IFT88: variants seen among roughly 807,000 people sequenced by gnomAD.
The protein encoded by IFT88 is intraflagellar transport 88.
IFT88 carries 74 observed loss-of-function variants against 119.5 expected under a neutral mutation model. That is an observed-to-expected ratio of 0.62 (90% CI 0.51 to 0.75). The LOEUF is 0.75. Ranked by LOEUF, IFT88 falls within the 30% of genes least tolerant of loss-of-function variation. IFT88 has a pLI of 0.00. For synonymous variants in IFT88, 279 were observed against 316.7 expected (o/e 0.88, Z 1.26); for missense variants, 961 against 977.7 (o/e 0.98, Z 0.23).
At chr13:20,688,882 C>T (rs1011506634) in intron 24 of IFT88, among the ~76,000 whole-genome samples, 1 of 151,960 alleles carries the variant, frequency 6.6e-6, no homozygotes, top group African/African-American at 2.4e-5. Context: ...GCATGCCACT[C>T]TGCCCAGCCA....
At chr13:20,651,788 A>G (rs2051760056) in intron 20 of IFT88, among the ~76,000 whole-genome samples, 2 of 152,190 alleles carry the variant, frequency 1.3e-5, no homozygotes, top group African/African-American at 4.8e-5. Context: ...TAGTATATAT[A>G]GGGTTCAGTA....
chr13:20,684,645 T>C (rs1451799254), intron 24 of IFT88, among the ~76,000 whole-genome samples: 1 of 152,218 alleles, frequency 6.6e-6, no homozygotes, highest in African/African-American at 2.4e-5. Context: ...GGGCAGTATT[T>C]CTCTACCACA....
At chr13:20,683,591 A>G (rs1421796291) in intron 24 of IFT88, among the ~76,000 whole-genome samples, 1 of 152,204 alleles carries the variant, frequency 6.6e-6, no homozygotes, top group African/African-American at 2.4e-5. Flanking sequence ...ACTCTGTTAA[A>G]TTGAGTGGGT....
intron 4 of IFT88, among the ~76,000 whole-genome samples, chr13:20,590,215 A>G (rs1024786012): frequency 4.6e-5 from 7 of 152,170 alleles, no homozygotes; most frequent in Non-Finnish European, 8.8e-5. Context: ...ATAATTGGGA[A>G]ACATTTACTA....
intron 7 of IFT88, among the ~76,000 whole-genome samples, chr13:20,594,471 A>G (rs1394860533): frequency 6.6e-6 from 1 of 152,172 alleles, no homozygotes; most frequent in African/African-American, 2.4e-5. Flanking sequence ...TTCTGCATGC[A>G]AAGAAGAAGG....
chr13:20,628,957 G>A (rs766034140), intron 15 of IFT88, among the ~76,000 whole-genome samples: 3 of 151,944 alleles, frequency 2.0e-5, no homozygotes, highest in Non-Finnish European at 4.4e-5. Flanking sequence ...AATGTAAATG[G>A]CCGCTTCTAA....
intron 3 of IFT88, among the ~76,000 whole-genome samples, chr13:20,586,425 G>A (rs1404660020): frequency 1.3e-5 from 2 of 152,176 alleles, no homozygotes; most frequent in Non-Finnish European, 1.5e-5. Context: ...ATAAATTGCT[G>A]TGGAATTTAA....
chr13:20,593,069 C>A (rs2040985112), intron 7 of IFT88, among the ~76,000 whole-genome samples: 2 of 151,764 alleles, frequency 1.3e-5, no homozygotes, highest in African/African-American at 4.8e-5. Flanking sequence ...GAGGACATTT[C>A]AAGGGAAAAA....
chr13:20,664,690 T>C (rs554386131), intron 23 of IFT88, among the ~76,000 whole-genome samples: 52 of 152,042 alleles, frequency 3.4e-4, no homozygotes, highest in African/African-American at 1.1e-3. Flanking sequence ...GCTTGAGGAA[T>C]GAATATTTTA....
intron 17 of IFT88, 119 bp from the exon 18 acceptor site, chr13:20,641,171 C>T: frequency 1.5e-6 from 1 of 651,644 alleles, no homozygotes; most frequent in African/African-American, 1.8e-5. Flanking sequence ...CTGAGTTCAT[C>T]TTCATTTTCT....
intron 24 of IFT88, among the ~76,000 whole-genome samples, chr13:20,676,738 C>G (rs2056717788): frequency 6.6e-6 from 1 of 152,216 alleles, no homozygotes; most frequent in South Asian, 2.1e-4. Flanking sequence ...TGCTGTTAAT[C>G]AAAACATTTG....
intron 1 of IFT88, among the ~76,000 whole-genome samples, chr13:20,570,481 TTAAC>T (rs756835746): frequency 2.0e-5 from 3 of 152,232 alleles, no homozygotes; most frequent in Non-Finnish European, 1.5e-5. Context: ...CAAATGTCCA[TTAAC>T]TAATGAATGG....
Position 20,577,891 on chromosome 13 carries a change from CT to C in IFT88, c.90+3419del, listed in dbSNP as rs553056701. ...TAGAATGAGTTTGGAAGTATTTCCT[CT>C]TTCTCTGTTTTTTGGAGTAATTTGA... On this transcript the variant is annotated intron_variant, in intron 2 of 25. Coordinates refer to ENST00000351808, the MANE Select transcript of IFT88 (RefSeq NM_006531.5). 3.1e-3 allele frequency among the ~76,000 whole-genome samples: 476 copies of C among 152,166 alleles called. 2 individuals carry two copies. Among genetic ancestry groups the C allele is most frequent in the African/African-American group, 0.011 (459 of 41,502 alleles).
At chr13:20,638,582 T>A in intron 17 of IFT88, 64 bp downstream of exon 17, 1 of 1,233,568 alleles carries the variant, frequency 8.1e-7, no homozygotes. Context: ...GTTTTTGTTT[T>A]GTTTTGCTTA....
At chr13:20,610,449 G>T (rs962139058) in intron 13 of IFT88, among the ~76,000 whole-genome samples, 1 of 152,054 alleles carries the variant, frequency 6.6e-6, no homozygotes, top group African/African-American at 2.4e-5. Flanking sequence ...GACAGGAAAC[G>T]GGGATAATTT....
chr13:20,665,602 G>C (rs1353995800), intron 23 of IFT88, among the ~76,000 whole-genome samples: 1 of 152,188 alleles, frequency 6.6e-6, no homozygotes, highest in East Asian at 1.9e-4. Context: ...TTTGCATGTT[G>C]ATTACATTTT....
At chr13:20,623,280 GT>G in intron 14 of IFT88, among the ~76,000 whole-genome samples, 1 of 152,212 alleles carries the variant, frequency 6.6e-6, no homozygotes, top group Non-Finnish European at 1.5e-5. Context: ...TTTCAAGATT[GT>G]TTTGGCTATT....
chr13:20,601,668 C>G, intron 11 of IFT88, 37 bp from the exon 12 acceptor site: 1 of 1,402,362 alleles, frequency 7.1e-7, no homozygotes, highest in African/African-American at 1.4e-5. Flanking sequence ...CTAAAGAGTT[C>G]AGAATTTTAA....
At chr13:20,639,200 C>G (rs549368363) in intron 17 of IFT88, among the ~76,000 whole-genome samples, 1 of 152,140 alleles carries the variant, frequency 6.6e-6, no homozygotes, top group East Asian at 1.9e-4. Flanking sequence ...GTATTTTTTG[C>G]TTTCTTTGGT....
Sources: gnomAD v4.1 joint callset for allele counts (sites outside exome capture counted in the v4.1 genomes callset) on GRCh38, gnomAD v4.1.1 for gene constraint, MANE v1.5 for transcripts, NCBI Gene and HGNC (gene_info 2026-07-23, HGNC 2026-07-21) for gene names.